The following CLIP2 variants were observed in gnomAD, a reference collection of about 807,000 sequenced individuals.
CLIP2 encodes CAP-Gly domain-containing linker protein 2.
A neutral mutation model predicts 111.7 loss-of-function variants in CLIP2; 41 were observed. That is an observed-to-expected ratio of 0.37 (90% CI 0.29 to 0.48). The LOEUF is 0.48. CLIP2 is among the 20% of genes least tolerant of loss of function. The probability of loss-of-function intolerance (pLI) is 0.99; values close to 1 mark genes in which losing one functional copy is unlikely to be tolerated. For synonymous variants in CLIP2, 660 were observed against 644.2 expected (o/e 1.02, Z -0.37); for missense variants, 1,160 against 1,422.1 (o/e 0.82, Z 2.96).
intron 10 of CLIP2, among the ~76,000 whole-genome samples, chr7:74,379,565 C>T (rs888913451): frequency 3.3e-5 from 5 of 152,038 alleles, no homozygotes; most frequent in Admixed American, 6.6e-5. Flanking sequence ...GAGTTTGAGA[C>T]CAGCCTGGCC....
Position 74,375,512 on chromosome 7 carries a change from C to T in CLIP2, c.1486-375C>T, listed in dbSNP as rs142632071. On this transcript the variant is annotated intron_variant, in intron 9 of 16. Transcript: ENST00000223398. ...AGGTTGCAGTGAGGTGAGATCACGCCACTGCATTCCAGCCTGCGTGACAGA... is the reference window on the plus strand; with the variant it reads ...AGGTTGCAGTGAGGTGAGATCACGCTACTGCATTCCAGCCTGCGTGACAGA... Among the ~76,000 whole-genome samples the T allele has an allele frequency of 8.1e-3, 1,035 of 127,890 alleles. 13 individuals carry two copies. Among genetic ancestry groups the T allele is most frequent in the African/African-American group, 0.028 (981 of 34,910 alleles). The allele number at this position is 127,890 out of a possible 152,430, so 83.9% of individuals were successfully genotyped here.
intron 2 of CLIP2, among the ~76,000 whole-genome samples, chr7:74,336,019 G>A (rs1399011620): frequency 1.3e-5 from 2 of 151,900 alleles, no homozygotes; most frequent in Non-Finnish European, 2.9e-5. Flanking sequence ...TGGGATTACA[G>A]GCGTAAGCCA....
chr7:74,324,084 C>T (rs1564038890), intron 2 of CLIP2, among the ~76,000 whole-genome samples: 2 of 152,172 alleles, frequency 1.3e-5, no homozygotes. Context: ...CTTCTGCCCC[C>T]TGGGTTCAAG....
rs1362803737 is a variant in CLIP2 at position 74,338,018 on chromosome 7, A to G, written c.122-430A>G. ...GCCAACCATTCCTGCCTCGGTTTCCATGGCAAGACCATGTCTCTACAAAAA... is the reference window on the plus strand; with the variant it reads ...GCCAACCATTCCTGCCTCGGTTTCCGTGGCAAGACCATGTCTCTACAAAAA... On this transcript the variant is annotated intron_variant, in intron 2 of 16. Coordinates refer to ENST00000223398, the MANE Select transcript of CLIP2 (RefSeq NM_003388.5). This position sits in a 1 kb window ranked among gnomAD's most constrained non-coding sequence, Gnocchi z 4.3. Among the ~76,000 whole-genome samples, 5 of 152,108 alleles carry G rather than the reference A, an allele frequency of 3.3e-5. No homozygotes were observed. Among genetic ancestry groups the G allele is most frequent in the Admixed American group, 2.6e-4 (4 of 15,260 alleles).
chr7:74,337,507 TG>T (rs569308772), intron 2 of CLIP2, among the ~76,000 whole-genome samples: 5 of 151,224 alleles, frequency 3.3e-5, no homozygotes, highest in South Asian at 2.1e-4. Flanking sequence ...GCCCACCTGG[TG>T]GGGGGGTGGC....
chr7:74,401,340 C>G (rs1554317597), intron 15 of CLIP2, among the ~76,000 whole-genome samples, 165 bp from the exon 16 acceptor site: 2 of 152,228 alleles, frequency 1.3e-5, no homozygotes, highest in Non-Finnish European at 2.9e-5. Context: ...GAAGATGCAG[C>G]CTTACCCCTA....
At chr7:74,366,826 C>T (rs782258710) in intron 8 of CLIP2, among the ~76,000 whole-genome samples, 8 of 142,320 alleles carry the variant, frequency 5.6e-5, no homozygotes, top group East Asian at 4.5e-4. Context: ...CAGTGAGCCG[C>T]GATTGCGCCA....
At chr7:74,371,929 C>G (rs188418928) in intron 8 of CLIP2, among the ~76,000 whole-genome samples, 1 of 152,082 alleles carries the variant, frequency 6.6e-6, no homozygotes, top group Non-Finnish European at 1.5e-5. Flanking sequence ...GACAAGCTTC[C>G]GGGGTTTTAT....
intron 2 of CLIP2, among the ~76,000 whole-genome samples, chr7:74,337,449 C>T (rs1390689535): frequency 1.3e-5 from 2 of 152,002 alleles, no homozygotes; most frequent in African/African-American, 2.4e-5. Flanking sequence ...ACACCTAGGT[C>T]CCACATAGGG....
intron 13 of CLIP2, among the ~76,000 whole-genome samples, chr7:74,394,016 C>G (rs1554316286): frequency 6.6e-6 from 1 of 152,260 alleles, no homozygotes; most frequent in Non-Finnish European, 1.5e-5. Flanking sequence ...TCCGCCCTAT[C>G]TCAGCCGCAG....
rs1787962706 is a variant in CLIP2 at position 74,289,915 on chromosome 7, T to C, written c.-68+181T>C. Among the ~76,000 whole-genome samples the C allele has an allele frequency of 2.6e-5, 4 of 152,028 alleles. No individual in the cohort carries two copies. In the East Asian group the frequency reaches 7.8e-4, roughly 30 times the overall value. ...GCGTGGGCGGGAGCTGGCTGGGGTG[T>C]GCCCCAACTTCCCCGTTGCTTGTAG... On this transcript the variant is annotated intron_variant, in intron 1 of 16. Coordinates refer to ENST00000223398, the MANE Select transcript of CLIP2 (RefSeq NM_003388.5).
At chr7:74,395,036 C>T (rs782599788) in intron 13 of CLIP2, among the ~76,000 whole-genome samples, 11 of 152,226 alleles carry the variant, frequency 7.2e-5, no homozygotes, top group Non-Finnish European at 1.5e-4. Context: ...GCCACATTTC[C>T]TCTTTCCCAG....
At chr7:74,308,320 C>A (rs539705566) in intron 1 of CLIP2, among the ~76,000 whole-genome samples, 3 of 152,036 alleles carry the variant, frequency 2.0e-5, no homozygotes, top group Non-Finnish European at 4.4e-5. Flanking sequence ...AGAGGGGATG[C>A]TGGCTGGTTG....
In CLIP2 at chr7:74,338,872, C is replaced by T. The variant is rs782754682; in HGVS notation, c.546C>T (p.Ser182=). The T allele has an allele frequency of 5.0e-6, 8 of 1,607,758 alleles. No homozygotes were observed. Among genetic ancestry groups the T allele is most frequent in the Admixed American group, 3.3e-5 (2 of 60,014 alleles). ...HSGTATPPLT[S]RVIPLRESVL... ...GCACGGCCACGCCCCCGCTGACCAGCCGCGTCATCCCCCTGCGGGAGAGCG... is the reference window on the plus strand; with the variant it reads ...GCACGGCCACGCCCCCGCTGACCAGTCGCGTCATCCCCCTGCGGGAGAGCG... The change falls in exon 3 of 17, where the codon AGC becomes AGT. Residue 182 remains serine (S), a synonymous_variant. Coordinates refer to ENST00000223398, the MANE Select transcript of CLIP2 (RefSeq NM_003388.5). The surrounding 1 kb of genome is among the most constrained non-coding windows in gnomAD (Gnocchi z 4.3).
At chr7:74,358,310 C>A (rs1435002479) in intron 6 of CLIP2, among the ~76,000 whole-genome samples, 1 of 152,002 alleles carries the variant, frequency 6.6e-6, no homozygotes, top group Non-Finnish European at 1.5e-5. Context: ...CTTGGCCTCC[C>A]AAAGTGCTGG....
chr7:74,326,489 C>T lies in CLIP2; in HGVS notation c.121+8822C>T, dbSNP rs1789109854. 3.3e-5 allele frequency among the ~76,000 whole-genome samples: 5 copies of T among 152,286 alleles called. No homozygotes were observed. The South Asian group carries it at 1.0e-3, about 32-fold the overall frequency. ...CCCTAACATTCCTGTGGCCTTGCCT[C>T]ATGCTGGGGATCCAGGAGATTGAGG... On this transcript the variant is annotated intron_variant, in intron 2 of 16. Coordinates refer to ENST00000223398, the MANE Select transcript of CLIP2 (RefSeq NM_003388.5).
intron 1 of CLIP2, among the ~76,000 whole-genome samples, chr7:74,309,595 C>T (rs1324031547): frequency 3.9e-5 from 6 of 152,014 alleles, no homozygotes; most frequent in East Asian, 2.0e-4. Flanking sequence ...TGGTGGCACA[C>T]GCCTGTAATC....
rs781982310 is a variant in CLIP2 at position 74,376,706 on chromosome 7, C to G, written c.2305C>G (p.Leu769Val). 3.7e-6 allele frequency: 6 copies of G among 1,613,072 alleles called. No homozygotes were observed. The highest frequency in any genetic ancestry group is 5.1e-6 in the Non-Finnish European group (6 of 1,179,810). The part of the protein sequence containing the change: ...AEKKMLDYER[L>V]QRAEAQGKQE... The stretch of plus-strand genomic sequence containing the variant: ...GAAGAAGATGTTGGACTACGAGCGG[C>G]TGCAGCGGGCAGAAGCCCAGGGCAA... Residue 769 changes from leucine (L) to valine (V), a missense_variant, in exon 10 of 17, where the codon CTG becomes GTG. By Grantham distance (32) the Leu-to-Val change is conservative. This residue lies in a region of CLIP2 where 676 missense variants were observed against 777.8 expected (regional missense o/e 0.87). Transcript: ENST00000223398. This position sits in a 1 kb window ranked among gnomAD's most constrained non-coding sequence, Gnocchi z 7.1.
At chr7:74,351,544 G>A (rs1789998522) in intron 3 of CLIP2, among the ~76,000 whole-genome samples, 1 of 151,454 alleles carries the variant, frequency 6.6e-6, no homozygotes, top group Admixed American at 6.6e-5. Context: ...ACTAAAATAA[G>A]TAGTAAACCA....
Sources: gnomAD v4.1 joint callset for allele counts (sites outside exome capture counted in the v4.1 genomes callset) on GRCh38, gnomAD v4.1.1 for gene constraint, gnomAD v4.1.1 regional missense constraint, Gnocchi (gnomAD v3.1) non-coding constraint, MANE v1.5 for transcripts, NCBI Gene and HGNC (gene_info 2026-07-23, HGNC 2026-07-21) for gene names.